SYNE1: variants seen among roughly 807,000 people sequenced by gnomAD.
SYNE1 encodes the protein spectrin repeat containing nuclear envelope protein 1.
In SYNE1, 616 loss-of-function variants were observed where a neutral mutation model predicts 1,111.0. That is an observed-to-expected ratio of 0.55 (90% CI 0.52 to 0.59). The LOEUF is 0.59. Ranked by LOEUF, SYNE1 falls within the 20% of genes least tolerant of loss-of-function variation. SYNE1 has a pLI of 0.00. For missense variants in SYNE1, 10,006 were observed against 10,417.0 expected (o/e 0.96, Z 1.72); for synonymous variants, 3,855 against 3,825.8 (o/e 1.01, Z -0.28).
rs1417001604 is a variant in SYNE1, at chr6:152,462,742, A to G, written c.2246T>C (p.Leu749Ser). Residue 749 changes from leucine to serine, a missense_variant, in exon 20 of 146, where the codon TTG (leucine) becomes TCG (serine). Leu to Ser is a moderately radical substitution (Grantham distance 145, BLOSUM62 -2). Transcript: ENST00000367255. ...TTTGATTCAGAAACCCCTCACCTCC[A>G]AGTCTTGAATTAATAGCTTGACATT... Reference protein sequence around the residue: ...FMNVKLLIQDLEDIEQRVPVM... With the variant: ...FMNVKLLIQDSEDIEQRVPVM... The G allele has an allele frequency of 6.2e-7, 1 of 1,613,920 alleles. No individual in the cohort carries two copies. The highest frequency in any genetic ancestry group is 2.2e-5 in the East Asian group (1 of 44,882).
rs143842011 is a variant in SYNE1, at chr6:152,164,294, C to T, written c.23659G>A (p.Val7887Met). The stretch of plus-strand genomic sequence containing the variant: ...CTCATGTTCTTATCAAGCTGCTGCA[C>T]GGCTACCAGGGTCTCCTTCAGCTTC... Reference protein sequence around the residue: ...VKKLKETLVAVQQLDKNMSSL... With the variant: ...VKKLKETLVAMQQLDKNMSSL... Residue 7887 changes from valine (V) to methionine (M), a missense_variant, in exon 131 of 146, where the codon GTG becomes ATG. By Grantham distance (21) the Val-to-Met change is conservative. Coordinates refer to ENST00000367255, the MANE Select transcript of SYNE1 (RefSeq NM_182961.4). 1.1e-4 allele frequency: 177 copies of T among 1,614,150 alleles called. No homozygotes were observed. The highest frequency in any genetic ancestry group is 4.7e-4 in the African/African-American group (35 of 75,030).
chr6:152,629,250 C>T (rs2099692721), intron 2 of SYNE1, among the ~76,000 whole-genome samples: 1 of 151,952 alleles, frequency 6.6e-6, no homozygotes, highest in Non-Finnish European at 1.5e-5. Flanking sequence ...CTCACTCTGT[C>T]ATCCAGGCTG....
chr6:152,569,044 T>C (rs2099430243), intron 3 of SYNE1, among the ~76,000 whole-genome samples: 2 of 152,194 alleles, frequency 1.3e-5, no homozygotes, highest in Non-Finnish European at 1.5e-5. Flanking sequence ...GAATTAGTTC[T>C]TTATTGCTCC....
chr6:152,205,515 T>G (rs1480585042), intron 126 of SYNE1, among the ~76,000 whole-genome samples: 1 of 152,242 alleles, frequency 6.6e-6, no homozygotes, highest in Non-Finnish European at 1.5e-5. Context: ...GATTTTAACT[T>G]GAGATTATCT....
intron 3 of SYNE1, among the ~76,000 whole-genome samples, chr6:152,605,859 A>G (rs1188576154): frequency 6.6e-6 from 1 of 152,152 alleles, no homozygotes; most frequent in African/African-American, 2.4e-5. Flanking sequence ...GTATGTGTTC[A>G]TTAGAGTATT....
At position 152,369,451 on chromosome 6, in the gene SYNE1, C is replaced by T. The variant is rs200951972; in HGVS notation, c.9651+20G>A. 172 of 1,614,022 alleles carry T rather than the reference C, an allele frequency of 1.1e-4. No homozygotes were observed. In the African/African-American group the frequency reaches 2.0e-3, roughly 19 times the overall value. On this transcript the variant is annotated intron_variant, in intron 60 of 145. Transcript: ENST00000367255. ...ACAAAGACTAGGTCAGATGGGGCTACGGGGAGGCGGGCTCATCACCTGGAG... is the reference window on the plus strand; with the variant it reads ...ACAAAGACTAGGTCAGATGGGGCTATGGGGAGGCGGGCTCATCACCTGGAG...
rs745969505 is a variant in SYNE1, at chr6:152,133,434, T to C, written c.25843A>G (p.Met8615Val). ...GCATTCACCAGTAGTTGGCAAGACATGTCTTGCAAAGAGGCTACTCTGAGT... is the reference window on the plus strand; with the variant it reads ...GCATTCACCAGTAGTTGGCAAGACACGTCTTGCAAAGAGGCTACTCTGAGT... The part of the protein sequence containing the change: ...SQLRVASLQD[M>V]SCQLLVNAEG... Residue 8615 changes from methionine to valine, a missense_variant, in exon 143 of 146, where the codon ATG becomes GTG. This residue lies in a region of SYNE1 where 761 missense variants were observed against 795.5 expected (regional missense o/e 0.96). Coordinates refer to ENST00000367255, the MANE Select transcript of SYNE1 (RefSeq NM_182961.4). 4.3e-6 allele frequency: 7 copies of C among 1,614,208 alleles called. No individual in the cohort carries two copies. The East Asian group carries it at 6.7e-5, about 15-fold the overall frequency.
chr6:152,164,656 T>C (rs902692535), intron 130 of SYNE1, among the ~76,000 whole-genome samples: 8 of 152,194 alleles, frequency 5.3e-5, no homozygotes. Flanking sequence ...ACTACCTACT[T>C]ACAGCAAAAA....
intron 96 of SYNE1, among the ~76,000 whole-genome samples, chr6:152,282,439 A>T (rs1387823847): frequency 6.6e-6 from 1 of 152,172 alleles, no homozygotes; most frequent in Non-Finnish European, 1.5e-5. Context: ...CAGGCAATTG[A>T]TCCCTGTGGG....
At chr6:152,602,110 G>C (rs1175315452) in intron 3 of SYNE1, among the ~76,000 whole-genome samples, 1 of 152,066 alleles carries the variant, frequency 6.6e-6, no homozygotes. Context: ...GCTTGAGAAA[G>C]ACTTGGATAT....
Position 152,428,329 on chromosome 6 carries a change from T to C in SYNE1, c.4852A>G (p.Lys1618Glu), listed in dbSNP as rs1275578788. 1.2e-6 allele frequency: 2 copies of C among 1,614,034 alleles called. No individual in the cohort carries two copies. Among genetic ancestry groups the C allele is most frequent in the East Asian group, 4.5e-5 (2 of 44,866 alleles). Residue 1618 changes from lysine to glutamate, a missense_variant, in exon 37 of 146, where the codon AAG becomes GAG. Physicochemically the swap from Lys to Glu is moderately conservative, Grantham distance 56. This residue lies in a region of SYNE1 where 1,971 missense variants were observed against 2,084.1 expected (regional missense o/e 0.95). Coordinates refer to ENST00000367255, the MANE Select transcript of SYNE1 (RefSeq NM_182961.4). ...ACACAGGAATCTCTGTTCACAACCT[T>C]CCTGGCACTGGCTGAGAAGGCAGTG... ...AITAFSASAR[K>E]VVNRDSCVQE... is the part of the protein sequence containing the mutation.
chr6:152,223,450 T>A (rs1037981585), intron 117 of SYNE1, among the ~76,000 whole-genome samples: 15 of 152,064 alleles, frequency 9.9e-5, no homozygotes, highest in African/African-American at 3.6e-4. Flanking sequence ...TGAAACTCCA[T>A]CTCTACTAAA....
chr6:152,218,837 G>A (rs1366662991), intron 120 of SYNE1, among the ~76,000 whole-genome samples, 166 bp downstream of exon 120: 1 of 149,264 alleles, frequency 6.7e-6, no homozygotes, highest in Non-Finnish European at 1.5e-5. Context: ...AGCGCAAAAC[G>A]TCCACCTTCA....
intron 95 of SYNE1, among the ~76,000 whole-genome samples, chr6:152,286,104 C>T (rs1206590529): frequency 6.6e-6 from 1 of 152,136 alleles, no homozygotes; most frequent in African/African-American, 2.4e-5. Flanking sequence ...GCAAAAACCC[C>T]TTATCTTTTC....
chr6:152,616,065 T>G (rs1196598492), intron 3 of SYNE1, among the ~76,000 whole-genome samples: 1 of 152,202 alleles, frequency 6.6e-6, no homozygotes, highest in Non-Finnish European at 1.5e-5. Flanking sequence ...GACTTAAATG[T>G]TTTTGGTGGG....
intron 56 of SYNE1, among the ~76,000 whole-genome samples, chr6:152,378,458 C>T (rs368581504): frequency 6.6e-6 from 1 of 152,332 alleles, no homozygotes; most frequent in Non-Finnish European, 1.5e-5. Flanking sequence ...TCACTCTATG[C>T]AAGAGATATC....
At chr6:152,421,307 GA>G (rs1293563453) in intron 39 of SYNE1, among the ~76,000 whole-genome samples, 2 of 152,192 alleles carry the variant, frequency 1.3e-5, no homozygotes, top group Non-Finnish European at 2.9e-5. Context: ...AGAGACTTTT[GA>G]AAGTCTAATC....
intron 97 of SYNE1, 96 bp from the exon 98 acceptor site, chr6:152,278,376 C>T (rs970406771): frequency 4.0e-5 from 56 of 1,405,106 alleles, no homozygotes; most frequent in Non-Finnish European, 5.3e-5. Flanking sequence ...GAGTCTTTTA[C>T]GAAACGGACA....
intron 61 of SYNE1, chr6:152,367,764 C>A: frequency 4.4e-6 from 1 of 227,284 alleles, no homozygotes. Context: ...AGCCAGAGTT[C>A]TAAAAAAAAA....
Sources: allele counts gnomAD v4.1 joint callset (sites outside exome capture counted in the v4.1 genomes callset), GRCh38; gene constraint gnomAD v4.1.1; regional missense constraint gnomAD v4.1.1; transcripts MANE v1.5; gene names NCBI Gene and HGNC (gene_info 2026-07-23, HGNC 2026-07-21).